The following RAP1GDS1 variants were observed in gnomAD, a reference collection of about 807,000 sequenced individuals.
RAP1GDS1 encodes the protein RAP1, GTP-GDP dissociation stimulator 1.
Under a neutral mutation model 71.1 loss-of-function variants are expected in RAP1GDS1, and 35 were observed. The observed-to-expected ratio is 0.49, with a 90% CI of 0.38 to 0.65. RAP1GDS1 has a LOEUF of 0.65. Ranked by LOEUF, RAP1GDS1 falls within the 30% of genes least tolerant of loss-of-function variation. The probability of loss-of-function intolerance (pLI) is 0.00; values close to 1 mark genes in which losing one functional copy is unlikely to be tolerated. For synonymous variants in RAP1GDS1, 229 were observed against 243.1 expected (o/e 0.94, Z 0.54); for missense variants, 663 against 706.1 (o/e 0.94, Z 0.69).
chr4:98,288,424 T>C (rs1023198752), intron 1 of RAP1GDS1, among the ~76,000 whole-genome samples: 1 of 152,184 alleles, frequency 6.6e-6, no homozygotes, highest in Non-Finnish European at 1.5e-5. Flanking sequence ...CTTAATCCCG[T>C]CTATCATTGT....
chr4:98,344,438 A>C (rs970171917), intron 3 of RAP1GDS1, among the ~76,000 whole-genome samples: 7 of 152,176 alleles, frequency 4.6e-5, no homozygotes, highest in Non-Finnish European at 8.8e-5. Flanking sequence ...GAGACTCCAC[A>C]ATTTTTATCT....
In RAP1GDS1 at chr4:98,421,377, C is replaced by T. The variant is rs774816886; in HGVS notation, c.1423C>T (p.Arg475Ter). 1.9e-6 allele frequency: 3 copies of T among 1,596,170 alleles called. No homozygotes were observed. Among genetic ancestry groups the T allele is most frequent in the South Asian group, 1.1e-5 (1 of 87,120 alleles). ...ESNRLLSALI[R>*]HSKSKDVIKT... ...AAACAGACTGCTGTCTGCCCTTATA[C>T]GACACAGTAAATCAAAAGTAAGTTC... Residue 475 changes from arginine (R) to a stop codon, truncating the protein, a stop_gained, in exon 12 of 15, where the codon CGA (arginine) becomes TGA (stop). Coordinates refer to ENST00000408927, the MANE Select transcript of RAP1GDS1 (RefSeq NM_001100427.2). LOFTEE classifies it high-confidence loss of function.
chr4:98,357,790 G>A (rs62321491), intron 4 of RAP1GDS1, among the ~76,000 whole-genome samples: 1 of 151,714 alleles, frequency 6.6e-6, no homozygotes, highest in South Asian at 2.1e-4. Context: ...CTAGAAAGTT[G>A]GTATTGCAAA....
chr4:98,342,591 CTCT>C (rs1444917610), intron 2 of RAP1GDS1, among the ~76,000 whole-genome samples: 26 of 152,018 alleles, frequency 1.7e-4, no homozygotes, highest in Admixed American at 1.4e-3. Flanking sequence ...TGTACTATTT[CTCT>C]TCTTCATTAA....
At chr4:98,420,713 A>T (rs944746802) in intron 11 of RAP1GDS1, among the ~76,000 whole-genome samples, 3 of 152,110 alleles carry the variant, frequency 2.0e-5, no homozygotes, top group African/African-American at 7.2e-5. Flanking sequence ...ATTAGTACTT[A>T]TAGTCCTGGT....
chr4:98,344,132 T>C (rs546432457), intron 3 of RAP1GDS1, among the ~76,000 whole-genome samples: 1 of 152,238 alleles, frequency 6.6e-6, no homozygotes, highest in Non-Finnish European at 1.5e-5. Context: ...AGAAAATTGT[T>C]TGAAGCTGTG....
intron 4 of RAP1GDS1, among the ~76,000 whole-genome samples, chr4:98,358,159 A>G (rs1738214818): frequency 6.6e-6 from 1 of 152,046 alleles, no homozygotes; most frequent in African/African-American, 2.4e-5. Flanking sequence ...TAATCAAACA[A>G]CTTTTGAGAC....
chr4:98,299,783 C>T (rs746069811), intron 2 of RAP1GDS1, among the ~76,000 whole-genome samples: 23 of 151,808 alleles, frequency 1.5e-4, no homozygotes, highest in African/African-American at 3.9e-4. Context: ...TACAGGCACG[C>T]GCCACCATGC....
intron 1 of RAP1GDS1, among the ~76,000 whole-genome samples, chr4:98,279,466 T>A (rs1255515466): frequency 6.6e-6 from 1 of 151,150 alleles, no homozygotes; most frequent in Non-Finnish European, 1.5e-5. Context: ...ATTGTTGGAA[T>A]TTTTTTTTCA....
At chr4:98,341,101 G>T (rs112701040) in intron 2 of RAP1GDS1, among the ~76,000 whole-genome samples, 1 of 152,106 alleles carries the variant, frequency 6.6e-6, no homozygotes, top group African/African-American at 2.4e-5. Flanking sequence ...GTACAAATTT[G>T]TTCTTTACTT....
At chr4:98,394,238 G>C (rs1744178414) in intron 6 of RAP1GDS1, among the ~76,000 whole-genome samples, 1 of 152,128 alleles carries the variant, frequency 6.6e-6, no homozygotes, top group African/African-American at 2.4e-5. Context: ...TTCAACATTA[G>C]GAACTGTGCA....
At chr4:98,287,250 C>G (rs184820488) in intron 1 of RAP1GDS1, among the ~76,000 whole-genome samples, 9 of 152,062 alleles carry the variant, frequency 5.9e-5, no homozygotes, top group African/African-American at 2.2e-4. Flanking sequence ...ATGAAAAATA[C>G]AGAAAAAATA....
At position 98,418,838 on chromosome 4, in the gene RAP1GDS1, C is replaced by T. The variant is rs758666222; in HGVS notation, c.1174+47C>T. On this transcript the variant is annotated intron_variant, in intron 10 of 14. Transcript: ENST00000408927. ...CAGCTGTGTACAAAATAAAATCCAT[C>T]ATTTGGGGAAGCTATTAACTGTATG... 2.7e-6 allele frequency: 4 copies of T among 1,487,204 alleles called. No individual in the cohort carries two copies. The Admixed American group carries it at 9.7e-5, about 36-fold the overall frequency. 92.1% of individuals were successfully genotyped at this position (1,487,204 alleles called of 1,614,324 possible).
rs1316973874 is a variant in RAP1GDS1 at position 98,261,411 on chromosome 4, T to TGCAGCA, written c.-151_-146dup. 5.5e-5 allele frequency: 17 copies of TGCAGCA among 307,774 alleles called. No homozygotes were observed. 19.1% of individuals were successfully genotyped at this position (307,774 alleles called of 1,614,324 possible). ...TCGTCCCCGCCGCGGCCGCGCCGCC[T>TGCAGCA]GCAGCAGCACCAGCTGCTCCTCCCC... On this transcript the variant is annotated 5_prime_UTR_variant, in exon 1 of 15. Transcript: ENST00000408927.
intron 2 of RAP1GDS1, among the ~76,000 whole-genome samples, chr4:98,329,788 C>CA (rs34140500): frequency 0.039 from 1,634 of 42,386 alleles, 63 homozygotes; most frequent in African/African-American, 0.081. Flanking sequence ...GACTCCATCT[C>CA]AAAAAAAAAA....
chr4:98,307,549 C>G (rs1303812977), intron 2 of RAP1GDS1, among the ~76,000 whole-genome samples: 1 of 151,984 alleles, frequency 6.6e-6, no homozygotes, highest in Non-Finnish European at 1.5e-5. Flanking sequence ...CTTTTTATGT[C>G]TCAGTAAGAT....
intron 2 of RAP1GDS1, among the ~76,000 whole-genome samples, chr4:98,300,103 A>G (rs979376536): frequency 6.6e-5 from 10 of 152,188 alleles, no homozygotes; most frequent in Non-Finnish European, 1.3e-4. Context: ...ATTGCATGCT[A>G]CGGGTATCTT....
intron 2 of RAP1GDS1, among the ~76,000 whole-genome samples, chr4:98,317,127 C>T (rs1352101871): frequency 6.6e-6 from 1 of 152,048 alleles, no homozygotes; most frequent in Non-Finnish European, 1.5e-5. Flanking sequence ...GAATTAGGTA[C>T]TGTTAAGGGG....
At chr4:98,267,743 A>G (rs1339647844) in intron 1 of RAP1GDS1, among the ~76,000 whole-genome samples, 4 of 152,148 alleles carry the variant, frequency 2.6e-5, no homozygotes, top group African/African-American at 7.2e-5. Flanking sequence ...TATCCAATCC[A>G]CTATTGATAG....
Sources: gnomAD v4.1 joint callset for allele counts (sites outside exome capture counted in the v4.1 genomes callset) on GRCh38, gnomAD v4.1.1 for gene constraint, MANE v1.5 for transcripts, NCBI Gene and HGNC (gene_info 2026-07-23, HGNC 2026-07-21) for gene names.